AGBL1: variants seen among roughly 807,000 people sequenced by gnomAD.
AGBL1 encodes the protein cytosolic carboxypeptidase 4.
AGBL1 carries 130 observed loss-of-function variants against 118.9 expected under a neutral mutation model. The observed-to-expected ratio is 1.09, with a 90% CI of 0.95 to 1.26. The LOEUF (loss-of-function observed/expected upper bound fraction) is 1.26, where lower values mean the gene tolerates loss of function less well. AGBL1 is among the 50% of genes most tolerant of loss of function. The probability of loss-of-function intolerance (pLI) is 0.00; values close to 1 mark genes in which losing one functional copy is unlikely to be tolerated. For missense variants in AGBL1, 1,584 were observed against 1,298.1 expected (o/e 1.22, Z -3.38); for synonymous variants, 555 against 478.9 (o/e 1.16, Z -2.08).
At chr15:86,195,639 T>C (rs1210219616) in intron 5 of AGBL1, among the ~76,000 whole-genome samples, 1 of 152,180 alleles carries the variant, frequency 6.6e-6, no homozygotes, top group Non-Finnish European at 1.5e-5. Context: ...CCAAATCTGG[T>C]GGGAAATCCA....
At chr15:86,354,620 G>T (rs1030991129) in intron 17 of AGBL1, among the ~76,000 whole-genome samples, 2 of 152,228 alleles carry the variant, frequency 1.3e-5, no homozygotes, top group African/African-American at 4.8e-5. Flanking sequence ...GTTTTGAAAT[G>T]ACAGTTGAAG....
intron 22 of AGBL1, among the ~76,000 whole-genome samples, chr15:86,863,944 A>G (rs571645377): frequency 3.4e-4 from 52 of 152,346 alleles, no homozygotes; most frequent in African/African-American, 1.2e-3. Flanking sequence ...TACTTAGCCT[A>G]GCACCTGGGG....
At chr15:86,270,808 A>G (rs975504167) in intron 14 of AGBL1, among the ~76,000 whole-genome samples, 2 of 152,174 alleles carry the variant, frequency 1.3e-5, no homozygotes, top group African/African-American at 4.8e-5. Context: ...AACAAGACAA[A>G]TCTGTTCTCT....
chr15:86,644,851 C>CAAAAAAAAAAAAAAAAAAA (rs11434077), intron 21 of AGBL1, among the ~76,000 whole-genome samples: 1 of 99,626 alleles, frequency 1.0e-5, no homozygotes, highest in Non-Finnish European at 1.9e-5. Context: ...ACTAAAAATA[C>CAAAAAAAAAAAAAAAAAAA]AAAAAAAAAA....
At chr15:86,630,365 A>G (rs750906617) in intron 21 of AGBL1, 16 of 152,232 alleles carry the variant, frequency 1.1e-4, no homozygotes, top group Non-Finnish European at 2.1e-4. Context: ...CAACAGGGAC[A>G]CCTGAATGGC....
chr15:86,683,316 A>C (rs896558194), intron 22 of AGBL1, among the ~76,000 whole-genome samples: 3 of 152,194 alleles, frequency 2.0e-5, no homozygotes, highest in African/African-American at 7.2e-5. Context: ...TTTTAATACT[A>C]TTCAGGGAAG....
intron 16 of AGBL1, among the ~76,000 whole-genome samples, chr15:86,280,561 A>G (rs531849669): frequency 3.9e-5 from 6 of 152,338 alleles, no homozygotes; most frequent in Admixed American, 2.6e-4. Context: ...GAACTCCAGT[A>G]TCTTCTATAA....
chr15:86,657,753 CAT>C (rs2085483690), intron 21 of AGBL1, among the ~76,000 whole-genome samples: 1 of 152,090 alleles, frequency 6.6e-6, no homozygotes, highest in African/African-American at 2.4e-5. Context: ...AGGAAGGACA[CAT>C]CTCTCGTAAG....
In AGBL1 at chr15:86,674,414, G is replaced by T. The variant is rs369790993; in HGVS notation, c.3136G>T (p.Ala1046Ser). ...AACTCTGCTGAGTGCTGAGGAGGAC[G>T]CTCTGGACCAGCACCTCCAACGGTA... is the stretch of plus-strand genomic sequence containing the variant. The part of the protein sequence containing the change: ...AATLLSAEED[A>S]LDQHLQRCSS... Residue 1046 changes from alanine (A) to serine (S), a missense_variant, in exon 22 of 23, where the codon GCT becomes TCT. By Grantham distance (99) the Ala-to-Ser change is moderately conservative. Coordinates refer to ENST00000614907, the MANE Select transcript of AGBL1 (RefSeq NM_001386094.1). 9 of 1,609,432 alleles carry T rather than the reference G, an allele frequency of 5.6e-6. No homozygotes were observed. The highest frequency in any genetic ancestry group is 6.8e-6 in the Non-Finnish European group (8 of 1,176,716).
At chr15:87,009,858 T>C (rs1234804236) in intron 24 of AGBL1, among the ~76,000 whole-genome samples, 1 of 152,254 alleles carries the variant, frequency 6.6e-6, no homozygotes, top group African/African-American at 2.4e-5. Flanking sequence ...CCAATTTCTC[T>C]CATTTGAAAT....
At chr15:86,457,220 T>C (rs991365548) in intron 18 of AGBL1, among the ~76,000 whole-genome samples, 8 of 152,206 alleles carry the variant, frequency 5.3e-5, no homozygotes, top group Non-Finnish European at 1.2e-4. Context: ...GGCAACTCCT[T>C]TCTTAAAGAC....
chr15:86,614,558 G>A (rs2084697375), intron 21 of AGBL1, among the ~76,000 whole-genome samples: 1 of 152,126 alleles, frequency 6.6e-6, no homozygotes, highest in African/African-American at 2.4e-5. Flanking sequence ...GCTTTGATTT[G>A]TAGTGTTTGC....
intron 21 of AGBL1, among the ~76,000 whole-genome samples, chr15:86,646,522 G>T (rs1344210975): frequency 2.0e-5 from 3 of 152,108 alleles, no homozygotes; most frequent in Non-Finnish European, 2.9e-5. Context: ...GAGAGGAAAG[G>T]GATGTGTCTC....
intron 24 of AGBL1, among the ~76,000 whole-genome samples, chr15:87,001,196 T>A (rs1297245680): frequency 6.7e-6 from 1 of 149,552 alleles, no homozygotes; most frequent in Non-Finnish European, 1.5e-5. Flanking sequence ...TGACTTCCTC[T>A]TTTCCTAATT....
intron 21 of AGBL1, among the ~76,000 whole-genome samples, chr15:86,631,544 T>C (rs928687166): frequency 1.3e-5 from 2 of 152,206 alleles, no homozygotes; most frequent in African/African-American, 4.8e-5. Flanking sequence ...GACTTACTAA[T>C]TCTTTGAGAC....
rs569078521 is a variant in AGBL1 at position 86,560,579 on chromosome 15, G to A, written c.2994+6042G>A. Among the ~76,000 whole-genome samples the A allele has an allele frequency of 3.3e-5, 5 of 152,288 alleles. No individual in the cohort carries two copies. The East Asian group carries it at 7.7e-4, about 23-fold the overall frequency. On this transcript the variant is annotated intron_variant, in intron 21 of 22. Transcript: ENST00000614907. ...GTTGGTTCTAACTCTTTGCTATTGT[G>A]AATAGTGCCACAATAAACACACATG...
chr15:86,804,614 A>G (rs751030328), intron 22 of AGBL1, among the ~76,000 whole-genome samples: 1 of 152,212 alleles, frequency 6.6e-6, no homozygotes, highest in Non-Finnish European at 1.5e-5. Flanking sequence ...AAACTAAGCA[A>G]TGCCAGTTCT....
In AGBL1 at chr15:86,363,768, C is replaced by G. The variant is rs538150710; in HGVS notation, c.2375-33598C>G. Among the ~76,000 whole-genome samples the G allele has an allele frequency of 8.7e-4, 132 of 152,206 alleles. 1 individual carries two copies. Among genetic ancestry groups the G allele is most frequent in the Non-Finnish European group, 1.4e-3 (98 of 68,004 alleles). ...ATATTTCCAAATGCCTGCTCGAGAG[C>G]TCTCCTTGGTTCTCCTAAATACCTC... On this transcript the variant is annotated intron_variant, in intron 17 of 22. Transcript: ENST00000614907.
At chr15:86,439,148 C>T (rs780709852) in intron 18 of AGBL1, among the ~76,000 whole-genome samples, 43 of 151,998 alleles carry the variant, frequency 2.8e-4, no homozygotes, top group Non-Finnish European at 5.0e-4. Flanking sequence ...CATCTCATCT[C>T]CTGCTTGTTT....
Sources: gnomAD v4.1 joint callset for allele counts (sites outside exome capture counted in the v4.1 genomes callset) on GRCh38, gnomAD v4.1.1 for gene constraint, MANE v1.5 for transcripts, NCBI Gene and HGNC (gene_info 2026-07-23, HGNC 2026-07-21) for gene names.